Variants in MED27 observed in about 807,000 individuals in gnomAD.
The protein encoded by MED27 is mediator complex subunit 27.
MED27 carries 30 observed loss-of-function variants against 38.2 expected under a neutral mutation model. That is an observed-to-expected ratio of 0.79 (90% CI 0.59 to 1.07). MED27 has a LOEUF of 1.07. Ranked by LOEUF, MED27 falls within the 50% of genes least tolerant of loss-of-function variation. The pLI, the probability that MED27 is intolerant of heterozygous loss-of-function variation, is 0.00. For missense variants in MED27, 289 were observed against 397.5 expected (o/e 0.73, Z 2.32); for synonymous variants, 122 against 153.5 (o/e 0.79, Z 1.52).
intron 2 of MED27, among the ~76,000 whole-genome samples, chr9:132,018,365 A>C (rs1020745526): frequency 1.3e-5 from 2 of 152,224 alleles, no homozygotes; most frequent in East Asian, 3.8e-4. Flanking sequence ...GAAGCAAATG[A>C]TATAAAAGGA....
At chr9:132,046,095 C>T (rs529417950) in intron 2 of MED27, among the ~76,000 whole-genome samples, 40 of 152,156 alleles carry the variant, frequency 2.6e-4, no homozygotes, top group Non-Finnish European at 4.1e-4. Context: ...AAAATGACCA[C>T]GTATAAATAT....
rs187213082 is a variant in MED27, at chr9:131,936,865, A to T, written c.573+2516T>A. ...AAATGCCGTTTTATTTCAAAAGCACAGGCACAGTTCGTACATTTGCCGAGG... is the reference window on the plus strand; with the variant it reads ...AAATGCCGTTTTATTTCAAAAGCACTGGCACAGTTCGTACATTTGCCGAGG... On this transcript the variant is annotated intron_variant, in intron 4 of 7. Transcript: ENST00000292035. 4.4e-4 allele frequency among the ~76,000 whole-genome samples: 67 copies of T among 152,342 alleles called. No individual in the cohort carries two copies. In the East Asian group the frequency reaches 0.012, roughly 27 times the overall value.
intron 3 of MED27, among the ~76,000 whole-genome samples, chr9:131,968,900 A>AG (rs1184400982): frequency 1.3e-5 from 2 of 152,158 alleles, no homozygotes; most frequent in African/African-American, 4.8e-5. Flanking sequence ...AGATTCTCAC[A>AG]GGAGTGTGAA....
chr9:131,958,783 G>A (rs1409118024), intron 3 of MED27, among the ~76,000 whole-genome samples: 2 of 152,172 alleles, frequency 1.3e-5, no homozygotes, highest in Non-Finnish European at 2.9e-5. Context: ...TATAATCATT[G>A]CTGCATTCCC....
At chr9:131,950,493 C>T (rs1217455641) in intron 3 of MED27, among the ~76,000 whole-genome samples, 1 of 152,206 alleles carries the variant, frequency 6.6e-6, no homozygotes, top group Non-Finnish European at 1.5e-5. Context: ...GTTTGCCGCA[C>T]ACGTGTAGAA....
chr9:132,018,481 G>A (rs1227381514), intron 2 of MED27, among the ~76,000 whole-genome samples: 1 of 152,176 alleles, frequency 6.6e-6, no homozygotes, highest in Non-Finnish European at 1.5e-5. Context: ...CTTGCATGAT[G>A]TCTTCTGCAT....
At chr9:131,864,793 CCTCT>C (rs1838709327) in intron 6 of MED27, among the ~76,000 whole-genome samples, 1 of 152,248 alleles carries the variant, frequency 6.6e-6, no homozygotes, top group South Asian at 2.1e-4. Flanking sequence ...CTTATGGGGG[CCTCT>C]CTAAGCCTCA....
intron 4 of MED27, among the ~76,000 whole-genome samples, chr9:131,936,442 C>T (rs1830686665): frequency 1.3e-5 from 2 of 152,226 alleles, no homozygotes; most frequent in Admixed American, 6.5e-5. Flanking sequence ...CTGTGCCATA[C>T]AGACGGCTGG....
At chr9:131,900,533 C>T (rs549222183) in intron 4 of MED27, among the ~76,000 whole-genome samples, 4 of 152,242 alleles carry the variant, frequency 2.6e-5, no homozygotes, top group African/African-American at 9.6e-5. Context: ...AAATGATCTT[C>T]CCCCAGAACT....
At chr9:131,979,836 T>TGGCC (rs1831692645) in intron 3 of MED27, among the ~76,000 whole-genome samples, 1 of 151,498 alleles carries the variant, frequency 6.6e-6, no homozygotes, top group South Asian at 2.1e-4. Context: ...ACAAGATGGC[T>TGGCC]GGCTGGCTGG....
chr9:131,886,502 C>T (rs1839143486), intron 5 of MED27, among the ~76,000 whole-genome samples: 1 of 152,188 alleles, frequency 6.6e-6, no homozygotes, highest in South Asian at 2.1e-4. Flanking sequence ...CCTCCTTCTA[C>T]TCTGGCTAAA....
chr9:131,973,937 T>G (rs980627898), intron 3 of MED27, among the ~76,000 whole-genome samples: 1 of 151,822 alleles, frequency 6.6e-6, no homozygotes, highest in African/African-American at 2.4e-5. Flanking sequence ...ATGGTCTTGA[T>G]CTCCTGACCT....
chr9:132,063,795 A>T (rs1833748668), intron 2 of MED27, among the ~76,000 whole-genome samples: 1 of 152,166 alleles, frequency 6.6e-6, no homozygotes, highest in South Asian at 2.1e-4. Context: ...TGGGGTAATG[A>T]GCAAAAAACT....
At chr9:131,884,195 G>GA (rs56021527) in intron 5 of MED27, 96 bp from the exon 6 acceptor site, 1,077 of 878,644 alleles carry the variant, frequency 1.2e-3, no homozygotes, top group South Asian at 2.2e-3. Context: ...TCTTAAACTT[G>GA]AAAAAAAAAT....
chr9:132,024,064 G>A (rs1206496523), intron 2 of MED27, among the ~76,000 whole-genome samples: 1 of 152,258 alleles, frequency 6.6e-6, no homozygotes, highest in Middle Eastern at 3.4e-3. Flanking sequence ...GAGGCAGTGT[G>A]GCCCAATGCA....
chr9:132,020,195 A>G, intron 2 of MED27, among the ~76,000 whole-genome samples: 1 of 152,062 alleles, frequency 6.6e-6, no homozygotes, highest in South Asian at 2.1e-4. Flanking sequence ...CCACATGTAT[A>G]CTCTGTTTCT....
chr9:132,060,898 G>A (rs3935636), intron 2 of MED27, among the ~76,000 whole-genome samples: 22,000 of 152,070 alleles, frequency 0.14, 1,666 homozygotes, highest in East Asian at 0.25. Context: ...GCAGTGAGTG[G>A]AGATCACACC....
chr9:131,979,358 A>T (rs1232730549), intron 3 of MED27, among the ~76,000 whole-genome samples: 11 of 152,178 alleles, frequency 7.2e-5, no homozygotes, highest in Admixed American at 7.2e-4. Context: ...AGCAGATTAG[A>T]GAATGTAACC....
chr9:131,992,579 T>A (rs1564315659), intron 3 of MED27, among the ~76,000 whole-genome samples: 2 of 152,132 alleles, frequency 1.3e-5, no homozygotes, highest in Non-Finnish European at 2.9e-5. Flanking sequence ...TAAAAAAATT[T>A]TTGTAGAGAT....
Sources: gnomAD v4.1 joint callset for allele counts (sites outside exome capture counted in the v4.1 genomes callset) on GRCh38, gnomAD v4.1.1 for gene constraint, MANE v1.5 for transcripts, NCBI Gene and HGNC (gene_info 2026-07-23, HGNC 2026-07-21) for gene names.